DNAJC6: variants seen among roughly 807,000 people sequenced by gnomAD.
DNAJC6 encodes the protein DnaJ heat shock protein family (Hsp40) member C6, also known as auxilin.
Under a neutral mutation model 110.0 loss-of-function variants are expected in DNAJC6, and 34 were observed. The ratio of observed to expected loss-of-function variants is 0.31; its 90% CI spans 0.24 to 0.41. The LOEUF is 0.41. Ranked by LOEUF, DNAJC6 falls within the 10% of genes least tolerant of loss-of-function variation. DNAJC6 has a pLI of 1.00. For missense variants in DNAJC6, 1,031 were observed against 1,207.8 expected, an observed-to-expected ratio of 0.85 and a Z score of 2.17; for synonymous variants, 406 against 437.2, an observed-to-expected ratio of 0.93 and a Z score of 0.89.
intron 1 of DNAJC6, among the ~76,000 whole-genome samples, chr1:65,358,534 G>A (rs1645568982): frequency 6.6e-6 from 1 of 152,156 alleles, no homozygotes; most frequent in Non-Finnish European, 1.5e-5. Context: ...CTAGTATGTG[G>A]TAGGCATTCA....
rs558883112 is a variant in DNAJC6 at position 65,391,660 on chromosome 1, C to A, written c.1469-771C>A. ...AGATAATGGTTTGTACTACCCTCCCCGGCCAAAGCACCTAGCATAGTGCCT... is the reference window on the plus strand; with the variant it reads ...AGATAATGGTTTGTACTACCCTCCCAGGCCAAAGCACCTAGCATAGTGCCT... On this transcript the variant is annotated intron_variant, in intron 11 of 18. Coordinates refer to ENST00000371069, the MANE Select transcript of DNAJC6 (RefSeq NM_001256864.2). 5.0e-4 allele frequency among the ~76,000 whole-genome samples: 75 copies of A among 150,390 alleles called. 2 individuals are homozygous for A. The South Asian group carries it at 0.015, about 31-fold the overall frequency.
At chr1:65,403,473 G>A (rs1164059579) in intron 15 of DNAJC6, among the ~76,000 whole-genome samples, 1 of 152,188 alleles carries the variant, frequency 6.6e-6, no homozygotes, top group Non-Finnish European at 1.5e-5. Context: ...GTATTTTTGA[G>A]TACTTATTAT....
chr1:65,392,454 T>A lies in DNAJC6; in HGVS notation c.1492T>A (p.Cys498Ser), dbSNP rs145329294. Residue 498 changes from cysteine (C) to serine (S), a missense_variant, in exon 12 of 19, where the codon TGT becomes AGT. By Grantham distance (112) the Cys-to-Ser change is moderately radical (BLOSUM62 -1). Transcript: ENST00000371069. Reference sequence around the variant, plus strand: ...AGATCAGAAATCGGAGAAGTCATTCTGTGAGGAGGACCACGCTGCCCTAGT... The same window carrying A: ...AGATCAGAAATCGGAGAAGTCATTCAGTGAGGAGGACCACGCTGCCCTAGT... ...WQDQKSEKSFCEEDHAALVNQ... is the reference protein window; with the variant it reads ...WQDQKSEKSFSEEDHAALVNQ... 9.5e-4 allele frequency: 1,521 copies of A among 1,604,832 alleles called. 2 individuals carry two copies. Among genetic ancestry groups the A allele is most frequent in the Middle Eastern group, 6.1e-3 (36 of 5,938 alleles).
At position 65,414,491 on chromosome 1, in the gene DNAJC6, A is replaced by G. The variant is rs1236887016; in HGVS notation, c.*1466A>G. The G allele has an allele frequency of 2.0e-5, 3 of 152,642 alleles. No homozygotes were observed. The highest frequency in any genetic ancestry group is 2.9e-5 in the Non-Finnish European group (2 of 68,040). 9.5% of individuals were successfully genotyped at this position (152,642 alleles called of 1,614,324 possible). A position where few individuals can be genotyped will look rare whatever the true frequency, so the allele number is the denominator to read the frequency against. ...TTTTAAAAGTTGTTTTGAAAAGACA[A>G]TCATTTTTTGTTTTTGTTTTAACTT... On this transcript the variant is annotated 3_prime_UTR_variant, in exon 19 of 19. Coordinates refer to ENST00000371069, the MANE Select transcript of DNAJC6 (RefSeq NM_001256864.2).
At chr1:65,366,264 C>A in intron 4 of DNAJC6, 68 bp downstream of exon 4, 1 of 1,547,540 alleles carries the variant, frequency 6.5e-7, no homozygotes. Flanking sequence ...TCAGAGATAC[C>A]CTTAAAGCAC....
Position 65,409,934 on chromosome 1 carries a change from A to G in DNAJC6, c.2634+1151A>G, listed in dbSNP as rs532385877. Among the ~76,000 whole-genome samples the G allele has an allele frequency of 2.0e-5, 3 of 152,094 alleles. No homozygotes were observed. In the South Asian group the frequency reaches 6.2e-4, roughly 32 times the overall value. On this transcript the variant is annotated intron_variant, in intron 17 of 18. Transcript: ENST00000371069. ...TCAGCGAATCTAACCCCTTTGTTTC[A>G]CAGCTGAAAAAAAACCACATAACTT...
At chr1:65,388,712 T>TC (rs1285570440) in intron 9 of DNAJC6, among the ~76,000 whole-genome samples, 1 of 152,244 alleles carries the variant, frequency 6.6e-6, no homozygotes, top group Non-Finnish European at 1.5e-5. Context: ...CATCTGTGTA[T>TC]CCCCTTGTGT....
At chr1:65,270,977 C>A (rs1256186061) in intron 1 of DNAJC6, among the ~76,000 whole-genome samples, 1 of 152,126 alleles carries the variant, frequency 6.6e-6, no homozygotes, top group Non-Finnish European at 1.5e-5. Context: ...CTTGGCCTGG[C>A]AAAATTTTTT....
chr1:65,364,614 G>GTT (rs58549467), intron 1 of DNAJC6, 21 bp from the exon 2 acceptor site: 832 of 1,422,986 alleles, frequency 5.8e-4, no homozygotes, highest in South Asian at 2.2e-3. Flanking sequence ...TTGTTTGTTT[G>GTT]TTTTTTTTTT....
At chr1:65,388,192 C>A in intron 8 of DNAJC6, 144 bp from the exon 9 acceptor site, 1 of 716,262 alleles carries the variant, frequency 1.4e-6, no homozygotes, top group Non-Finnish European at 2.4e-6. Context: ...CCTATTCTAA[C>A]TGGGGAGGTC....
chr1:65,407,846 T>C (rs1358504518), intron 16 of DNAJC6, among the ~76,000 whole-genome samples: 1 of 152,226 alleles, frequency 6.6e-6, no homozygotes, highest in Non-Finnish European at 1.5e-5. Flanking sequence ...TAGCAAATGG[T>C]TTTCAACTCA....
chr1:65,400,576 T>C (rs1380299022), intron 14 of DNAJC6, among the ~76,000 whole-genome samples: 2 of 152,238 alleles, frequency 1.3e-5, no homozygotes, highest in African/African-American at 4.8e-5. Context: ...AATGAGAACA[T>C]GCAGTATTTG....
chr1:65,394,293 A>G (rs1174371343), intron 12 of DNAJC6, among the ~76,000 whole-genome samples: 1 of 152,160 alleles, frequency 6.6e-6, no homozygotes, highest in East Asian at 1.9e-4. Flanking sequence ...GAGGATACCC[A>G]CTGGATTAGT....
In DNAJC6 at chr1:65,385,741, C is replaced by T. The variant is rs749109680; in HGVS notation, c.830C>T (p.Ala277Val). The T allele has an allele frequency of 6.2e-7, 1 of 1,612,002 alleles. No homozygotes were observed. Among genetic ancestry groups the T allele is most frequent in the South Asian group, 1.1e-5 (1 of 90,848 alleles). The change falls in exon 7 of 19, where the codon GCA (alanine) becomes GTA (valine). Residue 277 changes from alanine (A) to valine (V), a missense_variant. Coordinates refer to ENST00000371069, the MANE Select transcript of DNAJC6 (RefSeq NM_001256864.2). Reference protein sequence around the residue: ...RYLGYMCDLLADKPYRPHFKP... With the variant: ...RYLGYMCDLLVDKPYRPHFKP... ...CTGGGCTATATGTGTGACCTACTGG[C>T]AGACAAGCCCTACCGCCCTCACTTC...
intron 2 of DNAJC6, 24 bp from the exon 3 acceptor site, chr1:65,365,861 T>G: frequency 1.2e-6 from 2 of 1,609,888 alleles, no homozygotes; most frequent in Admixed American, 1.7e-5. Flanking sequence ...TTTTAATGAG[T>G]GCCCATTTTT....
At chr1:65,398,501 A>G (rs1292937222) in intron 13 of DNAJC6, among the ~76,000 whole-genome samples, 1 of 152,236 alleles carries the variant, frequency 6.6e-6, no homozygotes, top group Non-Finnish European at 1.5e-5. Flanking sequence ...TGACAATTGA[A>G]TGGAGACAGA....
rs575185431 is a variant in DNAJC6 at position 65,324,096 on chromosome 1, C to G, written c.193+14158C>G. On this transcript the variant is annotated intron_variant, in intron 1 of 18. Coordinates refer to ENST00000371069, the MANE Select transcript of DNAJC6 (RefSeq NM_001256864.2). ...GTTTCTTCAAGGTGGAGAATTTTCTCTCTTCAGTTTACAAGGCACTGAGCC... is the reference window on the plus strand; with the variant it reads ...GTTTCTTCAAGGTGGAGAATTTTCTGTCTTCAGTTTACAAGGCACTGAGCC... 4.6e-5 allele frequency among the ~76,000 whole-genome samples: 7 copies of G among 152,272 alleles called. No homozygotes were observed. In the South Asian group the frequency reaches 1.5e-3, roughly 32 times the overall value.
chr1:65,295,432 C>T (rs1644920351), intron 1 of DNAJC6, among the ~76,000 whole-genome samples: 1 of 152,066 alleles, frequency 6.6e-6, no homozygotes, highest in Admixed American at 6.6e-5. Flanking sequence ...TGGAAAAGTC[C>T]TGTGAAAAAG....
At chr1:65,355,457 GT>G (rs1645534400) in intron 1 of DNAJC6, among the ~76,000 whole-genome samples, 1 of 152,056 alleles carries the variant, frequency 6.6e-6, no homozygotes, top group African/African-American at 2.4e-5. Flanking sequence ...CTGCCTGCCA[GT>G]GCTTAGCTCC....
Sources: allele counts gnomAD v4.1 joint callset (sites outside exome capture counted in the v4.1 genomes callset), GRCh38; gene constraint gnomAD v4.1.1; transcripts MANE v1.5; gene names NCBI Gene and HGNC (gene_info 2026-07-23, HGNC 2026-07-21).